The following SLFN12L variants were observed in gnomAD, a reference collection of about 807,000 sequenced individuals.
The protein encoded by SLFN12L is schlafen family member 12-like.
SLFN12L carries 34 observed loss-of-function variants against 34.8 expected under a neutral mutation model. That is an observed-to-expected ratio of 0.98 (90% CI 0.74 to 1.30). The LOEUF is 1.30. Ranked by LOEUF, SLFN12L falls within the 50% of genes most tolerant of loss-of-function variation. SLFN12L has a pLI of 0.00. For missense variants in SLFN12L, 703 were observed against 696.2 expected, an observed-to-expected ratio of 1.01 and a Z score of -0.11; for synonymous variants, 259 against 247.5, an observed-to-expected ratio of 1.05 and a Z score of -0.44.
intron 2 of SLFN12L, among the ~76,000 whole-genome samples, chr17:35,484,944 C>T (rs1382578652): frequency 1.3e-5 from 2 of 152,094 alleles, no homozygotes; most frequent in Non-Finnish European, 2.9e-5. Context: ...TCTGTTTTTT[C>T]CTGACTCAGT....
In SLFN12L at chr17:35,491,306, C is replaced by G. The variant is rs370016527; in HGVS notation, c.87-11111G>C. The G allele has an allele frequency of 5.0e-6, 3 of 602,226 alleles. No homozygotes were observed. In the African/African-American group the frequency reaches 5.6e-5, roughly 11 times the overall value. The allele number at this position is 602,226 out of a possible 1,614,324, so 37.3% of individuals were successfully genotyped here. A position where few individuals can be genotyped will look rare whatever the true frequency, so the allele number is the denominator to read the frequency against. On this transcript the variant is annotated intron_variant, in intron 2 of 4. Coordinates refer to ENST00000628453, the MANE Select transcript of SLFN12L (RefSeq NM_001363830.2). ...TAAATCATGGAACCAGAACATATGT[C>G]ATGCAATGTTGTCCCTTCCTACTTT...
chr17:35,522,714 C>T lies in SLFN12L; in HGVS notation c.-350G>A. 1 of 1,614,162 alleles carries T rather than the reference C, an allele frequency of 6.2e-7. No homozygotes were observed. Among genetic ancestry groups the T allele is most frequent in the African/African-American group, 1.3e-5 (1 of 75,052 alleles). On this transcript the variant is annotated 5_prime_UTR_variant, in exon 2 of 5. Transcript: ENST00000628453. ...TGTAGCCCCCCATGTTCACCAGCTTCTGCTTCAAAGTAAGGGCAGTGCAAG... is the reference window on the plus strand; with the variant it reads ...TGTAGCCCCCCATGTTCACCAGCTTTTGCTTCAAAGTAAGGGCAGTGCAAG...
At chr17:35,489,001 C>T (rs890191533) in intron 2 of SLFN12L, among the ~76,000 whole-genome samples, 1 of 152,016 alleles carries the variant, frequency 6.6e-6, no homozygotes, top group African/African-American at 2.4e-5. Flanking sequence ...ACCGGGGAGG[C>T]GGAAGTTGCA....
At chr17:35,534,898 G>A (rs1046643421) in intron 1 of SLFN12L, among the ~76,000 whole-genome samples, 1 of 152,206 alleles carries the variant, frequency 6.6e-6, no homozygotes, top group Non-Finnish European at 1.5e-5. Context: ...GATACAGGAA[G>A]AGCTAATCAA....
chr17:35,465,672 C>T lies in SLFN12L; in HGVS notation c.*9251G>A, dbSNP rs924772771. Among the ~76,000 whole-genome samples the T allele has an allele frequency of 6.0e-5, 9 of 150,668 alleles. No individual in the cohort carries two copies. The highest frequency in any genetic ancestry group is 2.0e-4 in the Admixed American group (3 of 15,040). On this transcript the variant is annotated 3_prime_UTR_variant, in exon 5 of 5. Transcript: ENST00000628453. ...CAGCCCAGTGTTGCCTGTTCTTAAACCTGGAAAATAATAAGCAGCAGGCAC... is the reference window on the plus strand; with the variant it reads ...CAGCCCAGTGTTGCCTGTTCTTAAATCTGGAAAATAATAAGCAGCAGGCAC...
intron 2 of SLFN12L, among the ~76,000 whole-genome samples, chr17:35,488,190 C>T (rs908958772): frequency 1.6e-4 from 24 of 152,278 alleles, no homozygotes; most frequent in Middle Eastern, 3.4e-3. Context: ...GCCTGGGCGA[C>T]AGAGCAAGAC....
rs183270593 is a variant in SLFN12L, at chr17:35,515,448, T to C, written c.86+6831A>G. ...CTGGAGAGTGTTTCTTTTGTTTTAGTTTATTTGTTTGTTTTGATTTTTTGC... is the reference window on the plus strand; with the variant it reads ...CTGGAGAGTGTTTCTTTTGTTTTAGCTTATTTGTTTGTTTTGATTTTTTGC... On this transcript the variant is annotated intron_variant, in intron 2 of 4. Transcript: ENST00000628453. 1.3e-3 allele frequency among the ~76,000 whole-genome samples: 203 copies of C among 152,098 alleles called. 2 individuals are homozygous for C. The highest frequency in any genetic ancestry group is 2.4e-3 in the Non-Finnish European group (165 of 67,988).
intron 2 of SLFN12L, among the ~76,000 whole-genome samples, chr17:35,511,380 A>G (rs1170293381): frequency 6.6e-6 from 1 of 152,222 alleles, no homozygotes; most frequent in African/African-American, 2.4e-5. Context: ...AAACTTACTC[A>G]TGGGTAAAAG....
Position 35,487,751 on chromosome 17 carries a change from C to T in SLFN12L, c.87-7556G>A, listed in dbSNP as rs756642574. 6 of 1,536,112 alleles carry T rather than the reference C, an allele frequency of 3.9e-6. No individual in the cohort carries two copies. The South Asian group carries it at 7.1e-5, about 18-fold the overall frequency. Reference sequence around the variant, plus strand: ...CTGGCGAGGTCCATGTCTGCGCACTCTTCACCAAGTAGGGGGACCTGAGTT... The same window carrying T: ...CTGGCGAGGTCCATGTCTGCGCACTTTTCACCAAGTAGGGGGACCTGAGTT... On this transcript the variant is annotated intron_variant, in intron 2 of 4. Coordinates refer to ENST00000628453, the MANE Select transcript of SLFN12L (RefSeq NM_001363830.2).
intron 1 of SLFN12L, among the ~76,000 whole-genome samples, chr17:35,523,738 C>A (rs2072305050): frequency 6.6e-6 from 1 of 152,080 alleles, no homozygotes; most frequent in African/African-American, 2.4e-5. Flanking sequence ...AGTGCGAGAC[C>A]AGCCTGGGCA....
At chr17:35,503,525 A>G (rs1261558976) in intron 2 of SLFN12L, among the ~76,000 whole-genome samples, 2 of 152,180 alleles carry the variant, frequency 1.3e-5, no homozygotes, top group Non-Finnish European at 2.9e-5. Flanking sequence ...ATCATACAAG[A>G]AGAATTGTCA....
chr17:35,518,655 C>T (rs149476190), intron 2 of SLFN12L, among the ~76,000 whole-genome samples: 215 of 151,860 alleles, frequency 1.4e-3, no homozygotes, highest in African/African-American at 5.0e-3. Context: ...GAGATAGCAT[C>T]TCACACCAGT....
At chr17:35,492,226 C>A (rs1461526168) in intron 2 of SLFN12L, among the ~76,000 whole-genome samples, 3 of 152,206 alleles carry the variant, frequency 2.0e-5, no homozygotes, top group Admixed American at 6.5e-5. Flanking sequence ...CTGCAAGGAG[C>A]TTTGTCCCAC....
chr17:35,517,983 A>C (rs2142165177), intron 2 of SLFN12L, among the ~76,000 whole-genome samples: 1 of 152,374 alleles, frequency 6.6e-6, no homozygotes, highest in Non-Finnish European at 1.5e-5. Flanking sequence ...GGACATAGGC[A>C]TGGGCAAAGA....
chr17:35,475,408 A>G lies in SLFN12L; in HGVS notation c.1354T>C (p.Leu452=). The change falls in exon 5 of 5, where the codon TTA becomes CTA. Residue 452 remains leucine (L), a synonymous_variant. Transcript: ENST00000628453. ...ACAGAGCCCATTTCTTCACATATTA[A>G]TTGCTTAAGTCCTTCATGTTGTGAG... ...LFSQHEGLKQ[L]ICEEMGSVNK... 1.9e-6 allele frequency: 3 copies of G among 1,614,168 alleles called. No homozygotes were observed. The highest frequency in any genetic ancestry group is 2.5e-6 in the Non-Finnish European group (3 of 1,180,028).
intron 1 of SLFN12L, among the ~76,000 whole-genome samples, chr17:35,529,732 A>T (rs1031846958): frequency 6.6e-6 from 1 of 151,986 alleles, no homozygotes; most frequent in Non-Finnish European, 1.5e-5. Flanking sequence ...ATTAGGAGAA[A>T]TACCTAATGT....
intron 2 of SLFN12L, among the ~76,000 whole-genome samples, chr17:35,511,584 T>TACACACAC (rs58683369): frequency 3.0e-4 from 45 of 148,428 alleles, no homozygotes; most frequent in African/African-American, 8.5e-4. Context: ...CACACACACA[T>TACACACAC]ACACACACAC....
At chr17:35,530,421 GGAAGGA>G (rs1567693659) in intron 1 of SLFN12L, among the ~76,000 whole-genome samples, 146 of 9,908 alleles carry the variant, frequency 0.015, 29 homozygotes, top group African/African-American at 0.027. Context: ...AAGGAAGGAA[GGAAGGA>G]AGGGAAGGGA....
rs937880626 is a variant in SLFN12L, at chr17:35,533,780, C to G, written c.-606+3793G>C. Among the ~76,000 whole-genome samples, 17 of 152,230 alleles carry G rather than the reference C, an allele frequency of 1.1e-4. No individual in the cohort carries two copies. The East Asian group carries it at 2.5e-3, about 22-fold the overall frequency. On this transcript the variant is annotated intron_variant, in intron 1 of 4. Transcript: ENST00000628453. ...CACTTTAAGGGTTCCTGGCTTTACC[C>G]TAAGAGTAATGGGAAGCTGGCCAGA...
Sources: allele counts gnomAD v4.1 joint callset (sites outside exome capture counted in the v4.1 genomes callset), GRCh38; gene constraint gnomAD v4.1.1; transcripts MANE v1.5; gene names NCBI Gene and HGNC (gene_info 2026-07-23, HGNC 2026-07-21).